USPL1: variants seen among roughly 807,000 people sequenced by gnomAD.
USPL1 encodes the protein SUMO-specific isopeptidase USPL1.
Under a neutral mutation model 51.5 loss-of-function variants are expected in USPL1, and 27 were observed. That is an observed-to-expected ratio of 0.52 (90% CI 0.39 to 0.72). The LOEUF (loss-of-function observed/expected upper bound fraction) is 0.72, where lower values mean the gene tolerates loss of function less well. Ranked by LOEUF, USPL1 falls within the 30% of genes least tolerant of loss-of-function variation. The pLI, the probability that USPL1 is intolerant of heterozygous loss-of-function variation, is 0.00. For synonymous variants in USPL1, 451 were observed against 459.6 expected, an observed-to-expected ratio of 0.98 and a Z score of 0.24; for missense variants, 1,226 against 1,268.0, an observed-to-expected ratio of 0.97 and a Z score of 0.50.
intron 4 of USPL1, among the ~76,000 whole-genome samples, chr13:30,633,644 C>T (rs769631688): frequency 6.6e-6 from 1 of 151,888 alleles, no homozygotes; most frequent in Admixed American, 6.6e-5. Flanking sequence ...TGGTGGCACA[C>T]GCCTGTAGTC....
intron 5 of USPL1, among the ~76,000 whole-genome samples, chr13:30,639,329 G>A (rs149186304): frequency 3.8e-4 from 58 of 151,658 alleles, no homozygotes; most frequent in African/African-American, 1.2e-3. Flanking sequence ...AGCTTTTGAC[G>A]TACTTCTTTG....
intron 4 of USPL1, among the ~76,000 whole-genome samples, chr13:30,637,041 A>C (rs976065182): frequency 1.3e-5 from 2 of 151,748 alleles, no homozygotes. Flanking sequence ...TAGAACCCTA[A>C]CCCTCCTGGG....
Position 30,659,239 on chromosome 13 carries a change from G to C in USPL1, c.3162G>C (p.Glu1054Asp). The change falls in exon 9 of 9, where the codon GAG (glutamate) becomes GAC (aspartate). Residue 1054 changes from glutamate to aspartate, a missense_variant. Physicochemically the swap from Glu to Asp is conservative, Grantham distance 45. Coordinates refer to ENST00000255304, the MANE Select transcript of USPL1 (RefSeq NM_005800.5). ...NNACVRTLNL[E>D]SPMKTDIFDE... ...CCTGCGTTAGAACATTAAACTTGGA[G>C]AGTCCGATGAAGACTGATATTTTCG... 1 of 1,614,140 alleles carries C rather than the reference G, an allele frequency of 6.2e-7. No individual in the cohort carries two copies. Among genetic ancestry groups the C allele is most frequent in the Non-Finnish European group, 8.5e-7 (1 of 1,180,024 alleles).
At chr13:30,643,644 C>T (rs1950979187) in intron 6 of USPL1, among the ~76,000 whole-genome samples, 1 of 135,216 alleles carries the variant, frequency 7.4e-6, no homozygotes, top group Admixed American at 7.8e-5. Context: ...AGTCTCGCTC[C>T]CGTCACACAG....
At chr13:30,642,849 C>T in intron 6 of USPL1, 92 bp downstream of exon 6, 1 of 1,463,456 alleles carries the variant, frequency 6.8e-7, no homozygotes, top group South Asian at 1.3e-5. Flanking sequence ...CTACAGTTTG[C>T]TTGCTTCTTT....
At chr13:30,636,402 A>G (rs1187169786) in intron 4 of USPL1, among the ~76,000 whole-genome samples, 2 of 151,964 alleles carry the variant, frequency 1.3e-5, no homozygotes, top group East Asian at 1.9e-4. Context: ...TGCTTATTTC[A>G]TATTACAGGA....
intron 3 of USPL1, among the ~76,000 whole-genome samples, chr13:30,625,429 G>GGTTTTTT (rs1566046649): frequency 9.4e-5 from 14 of 149,332 alleles, no homozygotes; most frequent in East Asian, 3.9e-4. Flanking sequence ...ATTTTTAGTT[G>GGTTTTTT]GTTTTTTGTT....
chr13:30,642,350 TG>T (rs1950959309), intron 5 of USPL1, among the ~76,000 whole-genome samples: 1 of 152,056 alleles, frequency 6.6e-6, no homozygotes, highest in Non-Finnish European at 1.5e-5. Flanking sequence ...GAAGACAGTA[TG>T]GGTCTTTTGT....
At chr13:30,635,409 G>C (rs912171650) in intron 4 of USPL1, among the ~76,000 whole-genome samples, 26 of 152,026 alleles carry the variant, frequency 1.7e-4, no homozygotes, top group Admixed American at 3.9e-4. Context: ...TTTCTCACTT[G>C]ATCTGCCATG....
chr13:30,642,862 A>G (rs1950967155), intron 6 of USPL1, 105 bp downstream of exon 6: 1 of 1,369,562 alleles, frequency 7.3e-7, no homozygotes, highest in South Asian at 1.4e-5. Flanking sequence ...GCTTCTTTAA[A>G]CTGGAAGGGT....
At position 30,631,041 on chromosome 13, in the gene USPL1, A is replaced by T; in HGVS notation, c.435A>T (p.Val145=). The stretch of plus-strand genomic sequence containing the variant: ...TGAACAGCAAACATAATGGAGAAGT[A>T]TATGACGAAACCTCGTCAAACTTAC... ...KVLNSKHNGE[V]YDETSSNLPD... Residue 145 remains valine (V), a synonymous_variant, in exon 4 of 9, where the codon GTA becomes GTT. Transcript: ENST00000255304. 1 of 1,614,204 alleles carries T rather than the reference A, an allele frequency of 6.2e-7. No homozygotes were observed. The highest frequency in any genetic ancestry group is 8.5e-7 in the Non-Finnish European group (1 of 1,180,048).
intron 6 of USPL1, 78 bp from the exon 7 acceptor site, chr13:30,646,854 G>T: frequency 6.8e-7 from 1 of 1,462,598 alleles, no homozygotes. Flanking sequence ...AAAAAGGGGA[G>T]GAATACTTTT....
At chr13:30,620,596 G>T (rs1051201840) in intron 1 of USPL1, among the ~76,000 whole-genome samples, 2 of 152,154 alleles carry the variant, frequency 1.3e-5, no homozygotes, top group African/African-American at 4.8e-5. Flanking sequence ...TTCCCAACTG[G>T]TGAAGTATTA....
In USPL1 at chr13:30,659,321, C is replaced by T; in HGVS notation, c.3244C>T (p.Pro1082Ser). The change falls in exon 9 of 9, where the codon CCT (proline) becomes TCT (serine). Residue 1082 changes from proline to serine, a missense_variant. Transcript: ENST00000255304. ...TTTAGCAAATGACACATTAGACCTA[C>T]CTCATTTCGATGAATATCTGTTTGA... ...NALANDTLDL[P>S]HFDEYLFENY 6.2e-7 allele frequency: 1 copy of T among 1,602,392 alleles called. No individual in the cohort carries two copies. Among genetic ancestry groups the T allele is most frequent in the South Asian group, 1.1e-5 (1 of 90,002 alleles).
chr13:30,650,095 T>C (rs1334503733), intron 7 of USPL1, among the ~76,000 whole-genome samples: 2 of 152,108 alleles, frequency 1.3e-5, no homozygotes, highest in African/African-American at 4.8e-5. Context: ...CGACCTCAGG[T>C]AATCCACCTG....
At position 30,621,132 on chromosome 13, in the gene USPL1, T is replaced by G. The variant is rs372598001; in HGVS notation, c.-9T>G. 1.9e-6 allele frequency: 3 copies of G among 1,601,984 alleles called. No homozygotes were observed. In the African/African-American group the frequency reaches 4.0e-5, roughly 22 times the overall value. ...GTCTCAAGTGACATAAATTAGCCAATGACTCGGAATGATGGATTCTCCGAA... is the reference window on the plus strand; with the variant it reads ...GTCTCAAGTGACATAAATTAGCCAAGGACTCGGAATGATGGATTCTCCGAA... On this transcript the variant is annotated 5_prime_UTR_variant, in exon 2 of 9. It removes an upstream start codon present in the reference 5' UTR. Coordinates refer to ENST00000255304, the MANE Select transcript of USPL1 (RefSeq NM_005800.5).
At chr13:30,646,127 A>G (rs7327297) in intron 6 of USPL1, among the ~76,000 whole-genome samples, 82,246 of 152,082 alleles carry the variant, frequency 0.54, 25,163 homozygotes, top group African/African-American at 0.84. Context: ...CACAAGATTT[A>G]TAAGTATTTG....
At position 30,632,622 on chromosome 13, in the gene USPL1, C is replaced by T. The variant is rs572054661; in HGVS notation, c.868+1148C>T. ...AGAGACAGGGTTTCACCATGTTGGTCAGGCTGGTCTTGAACTCCAGACCTC... is the reference window on the plus strand; with the variant it reads ...AGAGACAGGGTTTCACCATGTTGGTTAGGCTGGTCTTGAACTCCAGACCTC... On this transcript the variant is annotated intron_variant, in intron 4 of 8. Transcript: ENST00000255304. Among the ~76,000 whole-genome samples, 7 of 152,062 alleles carry T rather than the reference C, an allele frequency of 4.6e-5. No individual in the cohort carries two copies. In the South Asian group the frequency reaches 1.0e-3, roughly 23 times the overall value.
At chr13:30,624,134 C>T (rs1950679552) in intron 3 of USPL1, among the ~76,000 whole-genome samples, 1 of 152,124 alleles carries the variant, frequency 6.6e-6, no homozygotes, top group Non-Finnish European at 1.5e-5. Flanking sequence ...TAGGATCTGA[C>T]ATGGTCTCTA....
Sources: allele counts gnomAD v4.1 joint callset (sites outside exome capture counted in the v4.1 genomes callset), GRCh38; gene constraint gnomAD v4.1.1; transcripts MANE v1.5; gene names NCBI Gene and HGNC (gene_info 2026-07-23, HGNC 2026-07-21).